Variants in HS6ST2 observed in about 807,000 individuals in gnomAD.
HS6ST2 encodes the protein heparan-sulfate 6-O-sulfotransferase 2.
Under a neutral mutation model 33.0 loss-of-function variants are expected in HS6ST2, and 17 were observed. That is an observed-to-expected ratio of 0.52 (90% CI 0.35 to 0.77). The LOEUF is 0.77. HS6ST2 is among the 30% of genes least tolerant of loss of function. The probability of loss-of-function intolerance (pLI) is 0.01; values close to 1 mark genes in which losing one functional copy is unlikely to be tolerated. For missense variants in HS6ST2, 519 were observed against 551.7 expected (o/e 0.94, Z 0.59); for synonymous variants, 248 against 237.1 (o/e 1.05, Z -0.42).
chrX:132,731,467 C>T (rs1023465041), intron 2 of HS6ST2, among the ~76,000 whole-genome samples: 14 of 111,458 alleles, frequency 1.3e-4, no homozygotes, highest in African/African-American at 3.9e-4. Context: ...ACATTTTGAC[C>T]CCTAAGATAC....
chrX:132,684,271 G>A (rs1450355330), intron 3 of HS6ST2, among the ~76,000 whole-genome samples: 1 of 99,256 alleles, frequency 1.0e-5, no homozygotes, highest in Non-Finnish European at 2.0e-5. Flanking sequence ...GTATATATAT[G>A]TATATACATA....
At chrX:132,869,194 T>A (rs1190702628) in intron 2 of HS6ST2, among the ~76,000 whole-genome samples, 1 of 111,265 alleles carries the variant, frequency 9.0e-6, no homozygotes, top group African/African-American at 3.3e-5. Flanking sequence ...AATGGGTAAA[T>A]TCCTGGACAC....
intron 2 of HS6ST2, among the ~76,000 whole-genome samples, chrX:132,710,433 T>TGTTAGAGGTACTGAG (rs2064221748): frequency 9.0e-6 from 1 of 111,530 alleles, no homozygotes; most frequent in Admixed American, 9.5e-5. Flanking sequence ...TGCTAGCCAT[T>TGTTAGAGGTACTGAG]GTTAGAGGTA....
intron 2 of HS6ST2, among the ~76,000 whole-genome samples, chrX:132,855,122 T>C (rs1287947771): frequency 8.9e-6 from 1 of 112,094 alleles, no homozygotes; most frequent in East Asian, 2.8e-4. Context: ...ACTCAGTGGA[T>C]TGAGTAGAGA....
intron 2 of HS6ST2, among the ~76,000 whole-genome samples, chrX:132,753,664 T>C (rs1028014417): frequency 8.9e-6 from 1 of 111,852 alleles, no homozygotes; most frequent in Non-Finnish European, 1.9e-5. Flanking sequence ...GTTTCGGGTA[T>C]GTCTTTATTA....
chrX:132,642,039 A>G (rs768193928), intron 4 of HS6ST2, among the ~76,000 whole-genome samples: 35 of 111,881 alleles, frequency 3.1e-4, no homozygotes, highest in Non-Finnish European at 5.8e-4. Context: ...CTCCCTTTCC[A>G]TGTCTCTAGA....
intron 4 of HS6ST2, among the ~76,000 whole-genome samples, chrX:132,637,759 A>T (rs1305483491): frequency 1.3e-4 from 10 of 77,073 alleles, no homozygotes; most frequent in Admixed American, 2.0e-4. Context: ...TATATATATA[A>T]AATATTATAT....
intron 3 of HS6ST2, among the ~76,000 whole-genome samples, chrX:132,692,533 C>T (rs766746137): frequency 5.9e-4 from 65 of 110,701 alleles, no homozygotes; most frequent in African/African-American, 2.0e-3. Flanking sequence ...CAATACCCTC[C>T]GAGATGGAAC....
At chrX:132,714,671 T>A (rs1261945985) in intron 2 of HS6ST2, among the ~76,000 whole-genome samples, 1 of 111,162 alleles carries the variant, frequency 9.0e-6, no homozygotes, top group Non-Finnish European at 1.9e-5. Context: ...AACATTCCTA[T>A]GAAGGATAGC....
intron 2 of HS6ST2, among the ~76,000 whole-genome samples, chrX:132,937,127 T>A (rs1290593078): frequency 2.7e-5 from 3 of 109,719 alleles, no homozygotes; most frequent in Non-Finnish European, 3.8e-5. Context: ...TACAAAAAAA[T>A]AAAATAACAA....
At chrX:132,838,107 C>CT (rs57608828) in intron 2 of HS6ST2, among the ~76,000 whole-genome samples, 34,994 of 110,298 alleles carry the variant, frequency 0.32, 4,365 homozygotes, top group African/African-American at 0.39. Flanking sequence ...ATCATAAATT[C>CT]TTTAACCATC....
chrX:132,784,501 G>A (rs2065043895), intron 2 of HS6ST2, among the ~76,000 whole-genome samples: 1 of 111,035 alleles, frequency 9.0e-6, no homozygotes, highest in South Asian at 3.8e-4. Flanking sequence ...GTAGAGACAG[G>A]GTTTTGCTAT....
chrX:132,779,710 A>G (rs1390689787), intron 2 of HS6ST2, among the ~76,000 whole-genome samples: 3 of 109,007 alleles, frequency 2.8e-5, no homozygotes, highest in Non-Finnish European at 3.8e-5. Flanking sequence ...ATGATGAAAA[A>G]TCAGCATTTC....
intron 2 of HS6ST2, among the ~76,000 whole-genome samples, chrX:132,949,000 T>C (rs760777589): frequency 2.7e-5 from 3 of 111,848 alleles, no homozygotes; most frequent in Non-Finnish European, 5.6e-5. Context: ...CCCTCAGATA[T>C]TGGAATAGTT....
rs1252707592 is a variant in HS6ST2, at chrX:132,669,046, C to T, written c.1067+67G>A. The T allele has an allele frequency of 8.6e-6, 6 of 698,116 alleles. No individual in the cohort carries two copies. In the Admixed American group the frequency reaches 1.6e-4, roughly 18 times the overall value. The allele number at this position is 698,116 out of a possible 1,213,427, so 57.5% of individuals were successfully genotyped here. On this transcript the variant is annotated intron_variant, in intron 4 of 4. Coordinates refer to ENST00000370833, the MANE Select transcript of HS6ST2 (RefSeq NM_001394073.1). The stretch of plus-strand genomic sequence containing the variant: ...TTGTTGAATGAATATGAATAAATGA[C>T]AAAAGGAGGACAGCACTTGACTTTT...
intron 2 of HS6ST2, among the ~76,000 whole-genome samples, chrX:132,836,288 G>A (rs2148393531): frequency 8.9e-6 from 1 of 112,544 alleles, no homozygotes; most frequent in Admixed American, 9.4e-5. Context: ...GACCAAGTGG[G>A]CTGCACTTCT....
rs561616205 is a variant in HS6ST2 at position 132,797,274 on chromosome X, C to T, written c.948-88780G>A. Among the ~76,000 whole-genome samples, 4 of 111,563 alleles carry T rather than the reference C, an allele frequency of 3.6e-5. No homozygotes were observed. The South Asian group carries it at 1.1e-3, about 32-fold the overall frequency. ...GAGCTACGAAGTTGATGGGAAGATG[C>T]GAAGCTCAAAGCTAAGTCATAGGGT... is the stretch of plus-strand genomic sequence containing the variant. On this transcript the variant is annotated intron_variant, in intron 2 of 4. Transcript: ENST00000370833.
At chrX:132,756,820 G>GGTGTGTGTGTGTGTGT (rs3065679) in intron 2 of HS6ST2, among the ~76,000 whole-genome samples, 112 of 97,336 alleles carry the variant, frequency 1.2e-3, no homozygotes, top group East Asian at 9.5e-3. Context: ...CCCTGTGCAT[G>GGTGTGTGTGTGTGTGT]GTGTGTGTGT....
chrX:132,773,500 C>T (rs1253295025), intron 2 of HS6ST2, among the ~76,000 whole-genome samples: 1 of 110,484 alleles, frequency 9.1e-6, no homozygotes, highest in African/African-American at 3.3e-5. Context: ...ACTGAAATCA[C>T]CTGTCCACCC....
Sources: allele counts gnomAD v4.1 joint callset (sites outside exome capture counted in the v4.1 genomes callset), GRCh38; gene constraint gnomAD v4.1.1; transcripts MANE v1.5; gene names NCBI Gene and HGNC (gene_info 2026-07-23, HGNC 2026-07-21).